IP6K3: variants seen among roughly 807,000 people sequenced by gnomAD.
The protein encoded by IP6K3 is ATP:1D-myo-inositol-hexakisphosphate phosphotransferase.
In IP6K3, 20 loss-of-function variants were observed where a neutral mutation model predicts 28.8. The ratio of observed to expected loss-of-function variants is 0.70; its 90% confidence interval spans 0.49 to 1.01. The LOEUF (loss-of-function observed/expected upper bound fraction) is 1.01, where lower values mean the gene tolerates loss of function less well. Ranked by LOEUF, IP6K3 falls within the 50% of genes least tolerant of loss-of-function variation. The pLI is 0.00. For synonymous variants in IP6K3, 213 were observed against 221.3 expected, an observed-to-expected ratio of 0.96 and a Z score of 0.33; for missense variants, 480 against 537.1, an observed-to-expected ratio of 0.89 and a Z score of 1.05.
chr6:33,725,501 G>A lies in IP6K3; in HGVS notation c.705C>T (p.His235=). Residue 235 remains histidine, a synonymous_variant, in exon 5 of 6, where the codon CAC becomes CAT. Transcript: ENST00000293756. ...AGGTGCTCTGCGCACACTTCCTCATGTGGCGGGCCTTCTTCTCCTCCGATG... is the reference window on the plus strand; with the variant it reads ...AGGTGCTCTGCGCACACTTCCTCATATGGCGGGCCTTCTTCTCCTCCGATG... ...DDASEEKKAR[H]MRKCAQSTSA... is the part of the protein sequence containing the mutation. 6.2e-7 allele frequency: 1 copy of A among 1,613,936 alleles called. No individual in the cohort carries two copies. The highest frequency in any genetic ancestry group is 8.5e-7 in the Non-Finnish European group (1 of 1,180,038).
chr6:33,740,364 G>A (rs977264129), intron 1 of IP6K3, among the ~76,000 whole-genome samples: 1 of 152,220 alleles, frequency 6.6e-6, no homozygotes, highest in African/African-American at 2.4e-5. Flanking sequence ...AGTAACGCTG[G>A]GCCTCACTCC....
chr6:33,733,132 G>A (rs189091598), intron 2 of IP6K3, among the ~76,000 whole-genome samples: 2 of 152,352 alleles, frequency 1.3e-5, no homozygotes, highest in East Asian at 1.9e-4. Context: ...GTGTCAGGGG[G>A]TGCCCTGACC....
chr6:33,725,421 G>A lies in IP6K3; in HGVS notation c.765+20C>T, dbSNP rs777203396. 6.3e-7 allele frequency: 1 copy of A among 1,597,772 alleles called. No individual in the cohort carries two copies. The highest frequency in any genetic ancestry group is 2.2e-5 in the East Asian group (1 of 44,750). On this transcript the variant is annotated intron_variant, in intron 5 of 5. Transcript: ENST00000293756. ...ACGTGCCGGGATGTCCCCCCCTGTG[G>A]TGGGTCCCCTGCGACCTACCTGCAT...
chr6:33,756,637 C>A, the IP6K3 span, among the ~76,000 whole-genome samples: 56 of 152,252 alleles, frequency 3.7e-4, no homozygotes, highest in African/African-American at 1.3e-3. Flanking sequence ...ATGAAGCCAG[C>A]CTTGGGGTCA....
At chr6:33,735,682 G>A (rs1252805773) in intron 1 of IP6K3, 27 bp from the exon 2 acceptor site, 2 of 1,293,460 alleles carry the variant, frequency 1.5e-6, no homozygotes, top group African/African-American at 3.0e-5. Flanking sequence ...GAAGGAGGAA[G>A]TTATATGAGG....
chr6:33,743,644 G>A (rs780636647), intron 1 of IP6K3, among the ~76,000 whole-genome samples: 2 of 152,058 alleles, frequency 1.3e-5, no homozygotes, highest in East Asian at 1.9e-4. Context: ...AGGATGGTGC[G>A]CCCTCTGTCC....
At chr6:33,734,216 A>G (rs1328658052) in intron 2 of IP6K3, among the ~76,000 whole-genome samples, 5 of 151,666 alleles carry the variant, frequency 3.3e-5, no homozygotes, top group Non-Finnish European at 7.4e-5. Flanking sequence ...AAAAAAAAAA[A>G]AAAAAAAAAG....
At chr6:33,752,241 C>A in the IP6K3 span, among the ~76,000 whole-genome samples, 2 of 152,234 alleles carry the variant, frequency 1.3e-5, no homozygotes, top group Admixed American at 1.3e-4. Context: ...ATTTACAAGG[C>A]CTTCACGGTG....
intron 1 of IP6K3, among the ~76,000 whole-genome samples, chr6:33,738,114 C>T (rs1260530793): frequency 6.6e-6 from 1 of 152,224 alleles, no homozygotes; most frequent in Non-Finnish European, 1.5e-5. Flanking sequence ...TCCCCTCTCG[C>T]TGGGCTTGCT....
At chr6:33,737,578 C>T (rs73743323) in intron 1 of IP6K3, among the ~76,000 whole-genome samples, 15,921 of 152,278 alleles carry the variant, frequency 0.1, 1,036 homozygotes, top group African/African-American at 0.18. Flanking sequence ...GCCAGCCGCC[C>T]GGACCTCCAG....
At chr6:33,731,374 G>A (rs770056472) in intron 2 of IP6K3, among the ~76,000 whole-genome samples, 2 of 152,200 alleles carry the variant, frequency 1.3e-5, no homozygotes, top group Non-Finnish European at 2.9e-5. Context: ...GGAGGGACAG[G>A]AAGCGTGACC....
rs181335064 is a variant in IP6K3, at chr6:33,742,665, C to G, written c.-180+4093G>C. On this transcript the variant is annotated intron_variant, in intron 1 of 5. Coordinates refer to ENST00000293756, the MANE Select transcript of IP6K3 (RefSeq NM_054111.5). The surrounding 1 kb of genome is among the most constrained non-coding windows in gnomAD (Gnocchi z 4.5). The stretch of plus-strand genomic sequence containing the variant: ...AAATATGTTGGTAATTAACAAAATA[C>G]AAATTCATTTAAAGGCATTATTGAA... Among the ~76,000 whole-genome samples the G allele has an allele frequency of 1.9e-4, 29 of 152,168 alleles. No individual in the cohort carries two copies. The highest frequency in any genetic ancestry group is 3.5e-4 in the Non-Finnish European group (24 of 68,032).
rs757660527 is a variant in IP6K3 at position 33,723,175 on chromosome 6, C to A, written c.778G>T (p.Asp260Tyr). Residue 260 changes from aspartate (D) to tyrosine (Y), a missense_variant, in exon 6 of 6, where the codon GAT becomes TAT. By Grantham distance (160) the Asp-to-Tyr change is radical. Transcript: ENST00000293756. ...RICGMQVYQT[D>Y]KKYFLCKDKY... is the part of the protein sequence containing the mutation. ...TCTTTGCAGAGAAAGTACTTCTTAT[C>A]TGTTTGATAAACCTTACATTAAAAA... The A allele has an allele frequency of 1.9e-6, 3 of 1,573,260 alleles. No individual in the cohort carries two copies. Among genetic ancestry groups the A allele is most frequent in the South Asian group, 1.2e-5 (1 of 85,612 alleles).
At chr6:33,725,402 C>T (rs1470329310) in intron 5 of IP6K3, 39 bp downstream of exon 5, 16 of 1,575,146 alleles carry the variant, frequency 1.0e-5, no homozygotes, top group East Asian at 4.5e-5. Context: ...GTGGACGTGC[C>T]GGGATGTCCC....
Position 33,721,718 on chromosome 6 carries a change from A to T in IP6K3, c.*1002T>A, listed in dbSNP as rs1234960730. The T allele has an allele frequency of 6.6e-6, 1 of 152,634 alleles. No individual in the cohort carries two copies. 9.5% of individuals were successfully genotyped at this position (152,634 alleles called of 1,614,324 possible). On this transcript the variant is annotated 3_prime_UTR_variant, in exon 6 of 6. Coordinates refer to ENST00000293756, the MANE Select transcript of IP6K3 (RefSeq NM_054111.5). The stretch of plus-strand genomic sequence containing the variant: ...ATTTATTTCCCTAATTGGGTAACGT[A>T]TCTCAGTGCTTGACTCAAGGGCATC...
chr6:33,751,483 C>CGTGTGTGTGTGTGTGTGTGT (rs762389623), upstream of IP6K3, among the ~76,000 whole-genome samples: 24 of 61,594 alleles, frequency 3.9e-4, no homozygotes, highest in African/African-American at 8.2e-4. The surrounding 1 kb of genome is among the most constrained non-coding windows in gnomAD (Gnocchi z 4.3). Flanking sequence ...CTCTGCAGGC[C>CGTGTGTGTGTGTGTGTGTGT]GTGTGTGTGT....
upstream of IP6K3, among the ~76,000 whole-genome samples, chr6:33,748,263 G>T (rs1057503562): frequency 6.6e-6 from 1 of 152,106 alleles, no homozygotes; most frequent in Non-Finnish European, 1.5e-5. Context: ...TGTTGGTGTA[G>T]TACTTACTCC....
At chr6:33,734,924 C>T (rs12207382) in intron 2 of IP6K3, among the ~76,000 whole-genome samples, 59,848 of 152,008 alleles carry the variant, frequency 0.39, 12,960 homozygotes, top group African/African-American at 0.56. Context: ...CCCCATTTTG[C>T]CCTGTGTTTA....
chr6:33,734,497 A>T (rs1044382681), intron 2 of IP6K3, among the ~76,000 whole-genome samples: 1 of 152,228 alleles, frequency 6.6e-6, no homozygotes, highest in Non-Finnish European at 1.5e-5. Context: ...GCTTGCAGTC[A>T]TGGGGTCTAC....
Sources: gnomAD v4.1 joint callset for allele counts (sites outside exome capture counted in the v4.1 genomes callset) on GRCh38, gnomAD v4.1.1 for gene constraint, Gnocchi (gnomAD v3.1) non-coding constraint, MANE v1.5 for transcripts, NCBI Gene and HGNC (gene_info 2026-07-23, HGNC 2026-07-21) for gene names.